HMGCLL1: variants seen among roughly 807,000 people sequenced by gnomAD.
HMGCLL1 encodes the protein 3-hydroxy-3-methylglutaryl-CoA lyase like 1.
HMGCLL1 carries 36 observed loss-of-function variants against 39.1 expected under a neutral mutation model. The ratio of observed to expected loss-of-function variants is 0.92; its 90% CI spans 0.71 to 1.22. The LOEUF is 1.22. HMGCLL1 is among the 50% of genes most tolerant of loss of function. HMGCLL1 has a pLI of 0.00. For missense variants in HMGCLL1, 451 were observed against 416.5 expected (o/e 1.08, Z -0.72); for synonymous variants, 149 against 144.0 (o/e 1.03, Z -0.25).
At chr6:55,666,511 T>C in the HMGCLL1 span, among the ~76,000 whole-genome samples, 1 of 151,750 alleles carries the variant, frequency 6.6e-6, no homozygotes, top group East Asian at 1.9e-4. Flanking sequence ...TTGCATCTAA[T>C]ATTACATGTT....
intron 7 of HMGCLL1, among the ~76,000 whole-genome samples, chr6:55,476,330 T>C (rs1765284497): frequency 6.6e-6 from 1 of 151,586 alleles, no homozygotes; most frequent in East Asian, 1.9e-4. Flanking sequence ...AATATTGCAA[T>C]TGGAAGTGTG....
intron 1 of HMGCLL1, among the ~76,000 whole-genome samples, chr6:55,558,621 A>T (rs2127469241): frequency 6.6e-6 from 1 of 152,286 alleles, no homozygotes; most frequent in Admixed American, 6.5e-5. Flanking sequence ...TTCCATGTGA[A>T]TATGATGACC....
chr6:55,516,579 T>A lies in HMGCLL1; in HGVS notation c.322A>T (p.Lys108Ter). 6.3e-7 allele frequency: 1 copy of A among 1,599,676 alleles called. No individual in the cohort carries two copies. The highest frequency in any genetic ancestry group is 8.5e-7 in the Non-Finnish European group (1 of 1,169,918). Reference sequence around the variant, plus strand: ...ACTCCTGGATATTGATGAATGCCTTTCATTACTTCAGTGTGATCAGCCATC... The same window carrying A: ...ACTCCTGGATATTGATGAATGCCTTACATTACTTCAGTGTGATCAGCCATC... ...PQMADHTEVMKGIHQYPGVRY... is the reference protein window; with the variant it reads ...PQMADHTEVM Residue 108 changes from lysine to a stop codon, truncating the protein, a stop_gained, in exon 4 of 9, where the codon AAA becomes TAA. Coordinates refer to ENST00000274901, the MANE Select transcript of HMGCLL1 (RefSeq NM_001042406.2). LOFTEE classifies it high-confidence loss of function.
intron 7 of HMGCLL1, among the ~76,000 whole-genome samples, chr6:55,478,075 C>G (rs1581833075): frequency 7.4e-6 from 1 of 134,834 alleles, no homozygotes; most frequent in East Asian, 2.3e-4. Context: ...GCTACTGATT[C>G]AGTGAGGTTC....
the HMGCLL1 span, among the ~76,000 whole-genome samples, chr6:55,613,494 C>T: frequency 3.1e-4 from 47 of 152,142 alleles, no homozygotes; most frequent in Middle Eastern, 3.4e-3. Context: ...TACATGCACA[C>T]GTATGTTTAT....
At chr6:55,534,360 C>A (rs1027704116) in intron 3 of HMGCLL1, among the ~76,000 whole-genome samples, 2 of 152,064 alleles carry the variant, frequency 1.3e-5, no homozygotes, top group Non-Finnish European at 2.9e-5. Context: ...GTAACTGTCC[C>A]CTCCTTTTGA....
chr6:55,549,608 T>G (rs1173648033), intron 1 of HMGCLL1, among the ~76,000 whole-genome samples: 1 of 151,870 alleles, frequency 6.6e-6, no homozygotes, highest in Non-Finnish European at 1.5e-5. Flanking sequence ...AATGCATAAA[T>G]TGTCAGAGTT....
chr6:55,502,850 C>T (rs575914066), intron 5 of HMGCLL1, among the ~76,000 whole-genome samples: 1 of 151,736 alleles, frequency 6.6e-6, no homozygotes, highest in East Asian at 1.9e-4. Flanking sequence ...TTCTCATCCA[C>T]AAAGATGTTA....
At chr6:55,472,182 TG>T (rs1305284122) in intron 7 of HMGCLL1, among the ~76,000 whole-genome samples, 3 of 151,656 alleles carry the variant, frequency 2.0e-5, no homozygotes, top group African/African-American at 7.3e-5. Flanking sequence ...ATGGAATTGT[TG>T]GGTTCTAATG....
chr6:55,440,430 C>T (rs962013877), intron 7 of HMGCLL1, among the ~76,000 whole-genome samples: 4 of 152,028 alleles, frequency 2.6e-5, no homozygotes, highest in African/African-American at 9.7e-5. Flanking sequence ...CATGATTATG[C>T]ACTTGGGGAT....
chr6:55,642,949 C>T, the HMGCLL1 span, among the ~76,000 whole-genome samples: 2 of 152,012 alleles, frequency 1.3e-5, no homozygotes, highest in East Asian at 1.9e-4. Context: ...GCTCCATCCA[C>T]GTTCCTGCAA....
chr6:55,667,077 G>C, the HMGCLL1 span, among the ~76,000 whole-genome samples: 1 of 151,568 alleles, frequency 6.6e-6, no homozygotes, highest in Non-Finnish European at 1.5e-5. Flanking sequence ...AGAAGCATAA[G>C]TGGGTTTCCA....
At chr6:55,560,089 C>T (rs1770870428) in intron 1 of HMGCLL1, among the ~76,000 whole-genome samples, 1 of 152,128 alleles carries the variant, frequency 6.6e-6, no homozygotes, top group Non-Finnish European at 1.5e-5. Context: ...AGCCAGAAGA[C>T]AGGATTGTTC....
intron 7 of HMGCLL1, among the ~76,000 whole-genome samples, chr6:55,472,101 T>C (rs189703564): frequency 2.0e-4 from 31 of 151,826 alleles, no homozygotes; most frequent in Admixed American, 2.6e-4. Flanking sequence ...TAAAGAGTAC[T>C]AGTGTGAACA....
intron 3 of HMGCLL1, among the ~76,000 whole-genome samples, chr6:55,539,342 T>C (rs1261090754): frequency 1.3e-5 from 2 of 152,186 alleles, no homozygotes; most frequent in Admixed American, 6.6e-5. Context: ...TTACTGGGTA[T>C]ATAACCAAAG....
At chr6:55,543,699 A>G (rs1403900809) in intron 1 of HMGCLL1, among the ~76,000 whole-genome samples, 1 of 150,032 alleles carries the variant, frequency 6.7e-6, no homozygotes, top group African/African-American at 2.5e-5. Flanking sequence ...CTTAAAAAAA[A>G]CAAAAAATCA....
the HMGCLL1 span, among the ~76,000 whole-genome samples, chr6:55,671,703 A>G: frequency 6.6e-6 from 1 of 151,856 alleles, no homozygotes; most frequent in Non-Finnish European, 1.5e-5. Context: ...CCAACAATGG[A>G]CATGCAGCAT....
At chr6:55,626,399 T>C in the HMGCLL1 span, among the ~76,000 whole-genome samples, 1 of 152,124 alleles carries the variant, frequency 6.6e-6, no homozygotes, top group Non-Finnish European at 1.5e-5. Flanking sequence ...GATGTTACCA[T>C]GTTCCCCGTT....
At chr6:55,498,867 C>T (rs1420322493) in intron 6 of HMGCLL1, among the ~76,000 whole-genome samples, 2 of 152,098 alleles carry the variant, frequency 1.3e-5, no homozygotes, top group Non-Finnish European at 2.9e-5. Context: ...AACAGGGATG[C>T]TGCCTAAGCA....
Sources: allele counts gnomAD v4.1 joint callset (sites outside exome capture counted in the v4.1 genomes callset), GRCh38; gene constraint gnomAD v4.1.1; transcripts MANE v1.5; gene names NCBI Gene and HGNC (gene_info 2026-07-23, HGNC 2026-07-21).